The following SLCO2B1 variants were observed in gnomAD, a reference collection of about 807,000 sequenced individuals.
The protein encoded by SLCO2B1 is solute carrier organic anion transporter family member 2B1.
In SLCO2B1, 41 loss-of-function variants were observed where a neutral mutation model predicts 67.3. The observed-to-expected ratio is 0.61, with a 90% CI of 0.47 to 0.79. The LOEUF (loss-of-function observed/expected upper bound fraction) is 0.79, where lower values mean the gene tolerates loss of function less well. Ranked by LOEUF, SLCO2B1 falls within the 30% of genes least tolerant of loss-of-function variation. The probability of loss-of-function intolerance (pLI) is 0.00; values close to 1 mark genes in which losing one functional copy is unlikely to be tolerated. For missense variants in SLCO2B1, 837 were observed against 920.1 expected, an observed-to-expected ratio of 0.91 and a Z score of 1.17; for synonymous variants, 379 against 381.4, an observed-to-expected ratio of 0.99 and a Z score of 0.07.
chr11:75,187,865 T>C (rs1944959866), intron 7 of SLCO2B1, among the ~76,000 whole-genome samples: 1 of 152,218 alleles, frequency 6.6e-6, no homozygotes, highest in Admixed American at 6.5e-5. Flanking sequence ...GTGATTATTA[T>C]GATGTTAATA....
chr11:75,164,114 C>A lies in SLCO2B1; in HGVS notation c.285+14C>A. 6.2e-7 allele frequency: 1 copy of A among 1,605,788 alleles called. No individual in the cohort carries two copies. Among genetic ancestry groups the A allele is most frequent in the South Asian group, 1.1e-5 (1 of 89,354 alleles). The stretch of plus-strand genomic sequence containing the variant: ...TCCTTCAACGAGGTACAGGCCCCAC[C>A]CAGCCACAGGGGTGGACACTGAGGG... On this transcript the variant is annotated intron_variant, in intron 3 of 13. Transcript: ENST00000289575.
intron 9 of SLCO2B1, among the ~76,000 whole-genome samples, chr11:75,195,060 G>A (rs1945080701): frequency 6.6e-6 from 1 of 152,174 alleles, no homozygotes; most frequent in Admixed American, 6.5e-5. Flanking sequence ...AACCCCCACA[G>A]GATCTCTGTA....
Position 75,204,677 on chromosome 11 carries a change from A to G in SLCO2B1, c.*97A>G, listed in dbSNP as rs1945244769. 2.8e-6 allele frequency: 3 copies of G among 1,081,722 alleles called. No homozygotes were observed. The highest frequency in any genetic ancestry group is 2.0e-5 in the South Asian group (1 of 50,648). 67.0% of individuals were successfully genotyped at this position (1,081,722 alleles called of 1,614,324 possible). On this transcript the variant is annotated 3_prime_UTR_variant, in exon 14 of 14. Coordinates refer to ENST00000289575, the MANE Select transcript of SLCO2B1 (RefSeq NM_007256.5). ...TTGGGTGTCAAGAGCCCTGTGTTCC[A>G]TTCTGGCTCCTCCACTAAATTGCTG...
chr11:75,170,723 C>T lies in SLCO2B1; in HGVS notation c.781+959C>T, dbSNP rs553755422. Reference sequence around the variant, plus strand: ...GCAGCCACCAGGGACAGCCCCGCCCCGCCCACTCTCCTTCTGGAAGGCTGG... The same window carrying T: ...GCAGCCACCAGGGACAGCCCCGCCCTGCCCACTCTCCTTCTGGAAGGCTGG... On this transcript the variant is annotated intron_variant, in intron 6 of 13. Coordinates refer to ENST00000289575, the MANE Select transcript of SLCO2B1 (RefSeq NM_007256.5). Among the ~76,000 whole-genome samples, 28 of 152,314 alleles carry T rather than the reference C, an allele frequency of 1.8e-4. No individual in the cohort carries two copies. The South Asian group carries it at 5.2e-3, about 28-fold the overall frequency.
intron 7 of SLCO2B1, among the ~76,000 whole-genome samples, chr11:75,179,218 AT>A (rs373993870): frequency 1.1e-3 from 73 of 66,670 alleles, no homozygotes; most frequent in East Asian, 3.6e-3. Flanking sequence ...GATACATGAG[AT>A]TTTTTTTTTT....
chr11:75,172,693 G>C, intron 7 of SLCO2B1, 124 bp downstream of exon 7: 1 of 832,698 alleles, frequency 1.2e-6, no homozygotes, highest in Non-Finnish European at 1.9e-6. Context: ...ACTTTGGGAG[G>C]CCAAGGCGGT....
chr11:75,196,998 C>T (rs1945110711), intron 10 of SLCO2B1, among the ~76,000 whole-genome samples: 1 of 152,202 alleles, frequency 6.6e-6, no homozygotes, highest in Non-Finnish European at 1.5e-5. Context: ...CACCTGTAAT[C>T]CCAGCTACTC....
chr11:75,159,996 A>G, intron 1 of SLCO2B1: 1 of 355,378 alleles, frequency 2.8e-6, no homozygotes. Flanking sequence ...CCACCAGTAT[A>G]CCCAGGAAGC....
intron 7 of SLCO2B1, among the ~76,000 whole-genome samples, chr11:75,182,396 TA>T (rs1362756127): frequency 6.6e-6 from 1 of 152,150 alleles, no homozygotes; most frequent in Non-Finnish European, 1.5e-5. Flanking sequence ...GGTGCAATAA[TA>T]ATCCCTGCAC....
In SLCO2B1 at chr11:75,188,163, C is replaced by G. The variant is rs1342142211; in HGVS notation, c.1000C>G (p.Pro334Ala). ...KGKDSPSKQS[P>A]GESTKKQDGL... ...CAAGGACTCTCCCTCTAAGCAGAGC[C>G]CTGGGGAGTCCACGAAGAAGCAGGA... is the stretch of plus-strand genomic sequence containing the variant. The change falls in exon 8 of 14, where the codon CCT becomes GCT. Residue 334 changes from proline to alanine, a missense_variant. Pro to Ala is a conservative substitution (Grantham distance 27, BLOSUM62 -1). Coordinates refer to ENST00000289575, the MANE Select transcript of SLCO2B1 (RefSeq NM_007256.5). The G allele has an allele frequency of 6.2e-7, 1 of 1,613,922 alleles. No homozygotes were observed.
At chr11:75,163,620 G>A (rs368792224) in intron 2 of SLCO2B1, among the ~76,000 whole-genome samples, 63 of 152,266 alleles carry the variant, frequency 4.1e-4, no homozygotes, top group African/African-American at 1.5e-3. Context: ...TCTCGGTCTT[G>A]TGGCTCTTCA....
chr11:75,176,550 A>C (rs1030547631), intron 7 of SLCO2B1, among the ~76,000 whole-genome samples: 2 of 152,240 alleles, frequency 1.3e-5, no homozygotes, highest in Non-Finnish European at 2.9e-5. Flanking sequence ...CGAATGGTCT[A>C]TGACTCCCCA....
At chr11:75,185,228 T>A (rs1417399428) in intron 7 of SLCO2B1, among the ~76,000 whole-genome samples, 2 of 152,086 alleles carry the variant, frequency 1.3e-5, no homozygotes, top group African/African-American at 4.8e-5. Context: ...CATGATGATC[T>A]CAGAAAAAAT....
At chr11:75,157,816 CTTA>C (rs903127301) in intron 1 of SLCO2B1, among the ~76,000 whole-genome samples, 17 of 152,168 alleles carry the variant, frequency 1.1e-4, no homozygotes, top group African/African-American at 1.4e-4. Context: ...ATTTAATTTA[CTTA>C]TTATTATTTT....
intron 7 of SLCO2B1, among the ~76,000 whole-genome samples, chr11:75,178,232 C>T (rs899131791): frequency 6.6e-6 from 1 of 152,152 alleles, no homozygotes; most frequent in Non-Finnish European, 1.5e-5. Flanking sequence ...ACCAGCCAGG[C>T]TCTGCTACTT....
chr11:75,172,385 T>A lies in SLCO2B1; in HGVS notation c.788T>A (p.Ile263Asn). 1 of 1,613,310 alleles carries A rather than the reference T, an allele frequency of 6.2e-7. No individual in the cohort carries two copies. ...CCATGCTCTTCTCTTCCAGGTGGTA[T>A]CAGCCTGACCATAAAGGACCCCCGA... ...VDINQMPEGG[I>N]SLTIKDPRWV... The change falls in exon 7 of 14, where the codon ATC (isoleucine) becomes AAC (asparagine). Residue 263 changes from isoleucine to asparagine, a missense_variant. Transcript: ENST00000289575.
At chr11:75,172,174 T>C (rs182788367) in intron 6 of SLCO2B1, among the ~76,000 whole-genome samples, 1 of 152,238 alleles carries the variant, frequency 6.6e-6, no homozygotes, top group East Asian at 1.9e-4. Flanking sequence ...TATACTGCCT[T>C]GGTAGTTGAA....
In SLCO2B1 at chr11:75,204,421, C is replaced by T. The variant is rs758866476; in HGVS notation, c.1971C>T (p.Phe657=). The change falls in exon 14 of 14, where the codon TTC becomes TTT. Residue 657 remains phenylalanine, a synonymous_variant. Transcript: ENST00000289575. Reference sequence around the variant, plus strand: ...CCAGGTTCATCGGCCTCCAGTTCTTCTTCAAAACAGGTTCTGTGATCTGCT... The same window carrying T: ...CCAGGTTCATCGGCCTCCAGTTCTTTTTCAAAACAGGTTCTGTGATCTGCT... ...LRNRFIGLQF[F]FKTGSVICFA... 1 of 1,608,728 alleles carries T rather than the reference C, an allele frequency of 6.2e-7. No homozygotes were observed. The highest frequency in any genetic ancestry group is 8.5e-7 in the Non-Finnish European group (1 of 1,177,710).
At chr11:75,163,004 AG>A in intron 2 of SLCO2B1, 1 of 487,884 alleles carries the variant, frequency 2.0e-6, no homozygotes, top group East Asian at 3.9e-5. Context: ...CAGAGAGGAA[AG>A]GGGTGTTCTT....
Sources: gnomAD v4.1 joint callset for allele counts (sites outside exome capture counted in the v4.1 genomes callset) on GRCh38, gnomAD v4.1.1 for gene constraint, MANE v1.5 for transcripts, NCBI Gene and HGNC (gene_info 2026-07-23, HGNC 2026-07-21) for gene names.